CCDC158: variants seen among roughly 807,000 people sequenced by gnomAD.
CCDC158 encodes the protein coiled-coil domain-containing protein 158.
CCDC158 carries 116 observed loss-of-function variants against 138.6 expected under a neutral mutation model. That is an observed-to-expected ratio of 0.84 (90% CI 0.72 to 0.98). The LOEUF (loss-of-function observed/expected upper bound fraction) is 0.98, where lower values mean the gene tolerates loss of function less well. Among genes scored for constraint, CCDC158 ranks in the 50% least tolerant of loss-of-function variants. The pLI, the probability that CCDC158 is intolerant of heterozygous loss-of-function variation, is 0.00. For missense variants in CCDC158, 1,265 were observed against 1,306.1 expected (o/e 0.97, Z 0.48); for synonymous variants, 436 against 442.4 (o/e 0.99, Z 0.18).
intron 24 of CCDC158, among the ~76,000 whole-genome samples, chr4:76,317,317 G>A (rs1489713391): frequency 6.6e-6 from 1 of 151,940 alleles, no homozygotes; most frequent in Non-Finnish European, 1.5e-5. Flanking sequence ...TACCACAAAC[G>A]AACAGGGGTA....
At chr4:76,373,036 A>G (rs1206692581) in intron 9 of CCDC158, among the ~76,000 whole-genome samples, 2 of 152,190 alleles carry the variant, frequency 1.3e-5, no homozygotes, top group South Asian at 2.1e-4. Context: ...TTTAGTAGAG[A>G]TGGGGTTTCG....
At chr4:76,326,663 T>C (rs1720559366) in intron 22 of CCDC158, among the ~76,000 whole-genome samples, 1 of 152,084 alleles carries the variant, frequency 6.6e-6, no homozygotes, top group South Asian at 2.1e-4. Context: ...CAGACTATAT[T>C]TAAATAAGCA....
intron 2 of CCDC158, among the ~76,000 whole-genome samples, chr4:76,405,508 G>A (rs1441960058): frequency 6.6e-6 from 1 of 152,070 alleles, no homozygotes; most frequent in East Asian, 1.9e-4. Flanking sequence ...AAAGGATAAA[G>A]ACAAACATTT....
Position 76,357,378 on chromosome 4 carries a change from A to T in CCDC158, c.2169T>A (p.Gly723=). ...TTTAAATCTAACAGAGCATACCATGACCATCAGATCCTTCCATTGACTTTA... is the reference window on the plus strand; with the variant it reads ...TTTAAATCTAACAGAGCATACCATGTCCATCAGATCCTTCCATTGACTTTA... ...NTLKSMEGSD[G]HAMKVAMGMQ... is the part of the protein sequence containing the mutation. Residue 723 remains glycine, a synonymous_variant, in exon 14 of 25, where the codon GGT becomes GGA. Coordinates refer to ENST00000682701, the MANE Select transcript of CCDC158 (RefSeq NM_001394954.1). The T allele has an allele frequency of 6.5e-7, 1 of 1,535,638 alleles. No homozygotes were observed. Among genetic ancestry groups the T allele is most frequent in the Non-Finnish European group, 8.7e-7 (1 of 1,146,210 alleles).
chr4:76,421,323 C>T (rs1730112585), upstream of CCDC158, among the ~76,000 whole-genome samples: 1 of 152,080 alleles, frequency 6.6e-6, no homozygotes, highest in Non-Finnish European at 1.5e-5. Context: ...CGCCGGACGC[C>T]GTCGCTGGGG....
chr4:76,327,565 C>T (rs897576405), intron 22 of CCDC158, among the ~76,000 whole-genome samples: 8 of 151,994 alleles, frequency 5.3e-5, no homozygotes, highest in African/African-American at 1.9e-4. Flanking sequence ...CTAAATATGT[C>T]CAAATATAGA....
chr4:76,349,695 A>C lies in CCDC158; in HGVS notation c.2664+1301T>G, dbSNP rs528339486. 1.6e-4 allele frequency among the ~76,000 whole-genome samples: 25 copies of C among 152,284 alleles called. 1 individual carries two copies. The South Asian group carries it at 5.2e-3, about 32-fold the overall frequency. ...GAAAAAATAAATAAATAAACAAATAAATACTTAAGTTAAAATTTAAAGTTA... is the reference window on the plus strand; with the variant it reads ...GAAAAAATAAATAAATAAACAAATACATACTTAAGTTAAAATTTAAAGTTA... On this transcript the variant is annotated intron_variant, in intron 18 of 24. Transcript: ENST00000682701.
At chr4:76,367,941 T>C (rs1458324713) in intron 11 of CCDC158, among the ~76,000 whole-genome samples, 165 bp from the exon 12 acceptor site, 1 of 151,768 alleles carries the variant, frequency 6.6e-6, no homozygotes, top group East Asian at 1.9e-4. Context: ...GTTCCCTAGG[T>C]TGGTCTTCTC....
chr4:76,351,790 C>G lies in CCDC158; in HGVS notation c.2468G>C (p.Cys823Ser), dbSNP rs909965143. Reference protein sequence around the residue: ...LDKASLQFAECQDIIQRQEQE... With the variant: ...LDKASLQFAESQDIIQRQEQE... ...CTCCTGACGCTGTATTATATCTTGA[C>G]ATTCTGCAAACTGCAAAGATGCCTA... Residue 823 changes from cysteine to serine, a missense_variant, in exon 17 of 25, where the codon TGT (cysteine) becomes TCT (serine). Cys to Ser is a moderately radical substitution (Grantham distance 112). Transcript: ENST00000682701. 7.4e-6 allele frequency: 12 copies of G among 1,612,346 alleles called. No homozygotes were observed. Among genetic ancestry groups the G allele is most frequent in the Non-Finnish European group, 1.0e-5 (12 of 1,178,638 alleles).
At chr4:76,383,362 G>A (rs1726458892) in intron 7 of CCDC158, among the ~76,000 whole-genome samples, 1 of 151,910 alleles carries the variant, frequency 6.6e-6, no homozygotes, top group Non-Finnish European at 1.5e-5. Flanking sequence ...TCCATCCACA[G>A]ACCCCCTCAC....
intron 14 of CCDC158, among the ~76,000 whole-genome samples, chr4:76,357,155 T>C (rs188062782): frequency 1.3e-5 from 2 of 152,284 alleles, no homozygotes; most frequent in African/African-American, 4.8e-5. Context: ...AAAGGAAAGA[T>C]TCAGATAGTT....
At chr4:76,421,512 C>T (rs1367828098), upstream of CCDC158, among the ~76,000 whole-genome samples, 1 of 152,106 alleles carries the variant, frequency 6.6e-6, no homozygotes, top group East Asian at 1.9e-4. Flanking sequence ...TACTCTTGCC[C>T]CCACCCGAGC....
intron 11 of CCDC158, among the ~76,000 whole-genome samples, chr4:76,368,618 G>C (rs1724919722): frequency 6.6e-6 from 1 of 152,176 alleles, no homozygotes; most frequent in African/African-American, 2.4e-5. Flanking sequence ...TAAGAAGGCA[G>C]TCCACGTTTT....
intron 18 of CCDC158, among the ~76,000 whole-genome samples, chr4:76,335,343 G>A (rs571414863): frequency 4.4e-4 from 67 of 152,002 alleles, no homozygotes; most frequent in Non-Finnish European, 8.2e-4. Context: ...TTATCCTATG[G>A]CAATATTCAC....
rs138548683 is a variant in CCDC158, at chr4:76,328,949, G to A, written c.2961C>T (p.His987=). 831 of 1,613,574 alleles carry A rather than the reference G, an allele frequency of 5.2e-4. 2 individuals carry two copies. The East Asian group carries it at 0.015, about 30-fold the overall frequency. ...ETLSREPVTL[H]AGDREDPSGC... Reference sequence around the variant, plus strand: ...CAGAGGGATCTTCCCTGTCTCCTGCGTGTAATGTGACTGGCTCTCTGGAAG... The same window carrying A: ...CAGAGGGATCTTCCCTGTCTCCTGCATGTAATGTGACTGGCTCTCTGGAAG... Residue 987 remains histidine, a synonymous_variant, in exon 22 of 25, where the codon CAC becomes CAT. Transcript: ENST00000682701.
chr4:76,348,268 CAAAAAAA>C (rs11453657), intron 18 of CCDC158, among the ~76,000 whole-genome samples: 1 of 125,958 alleles, frequency 7.9e-6, no homozygotes, highest in African/African-American at 3.0e-5. Context: ...ACTAAATATA[CAAAAAAA>C]AAAAAAAAAA....
intron 12 of CCDC158, 71 bp from the exon 13 acceptor site, chr4:76,362,386 T>G (rs934001043): frequency 3.5e-5 from 39 of 1,121,464 alleles, no homozygotes; most frequent in Non-Finnish European, 4.7e-5. Context: ...AATTGATAGC[T>G]GCTAACACAG....
At chr4:76,390,639 A>G (rs1727226708) in intron 4 of CCDC158, among the ~76,000 whole-genome samples, 1 of 152,098 alleles carries the variant, frequency 6.6e-6, no homozygotes, top group South Asian at 2.1e-4. Flanking sequence ...CATCAATAAC[A>G]ACATTGAACA....
chr4:76,418,203 C>A (rs1729850192), intron 1 of CCDC158, among the ~76,000 whole-genome samples: 1 of 152,098 alleles, frequency 6.6e-6, no homozygotes, highest in African/African-American at 2.4e-5. Context: ...TTGGAGCAGT[C>A]CAACAAAGGG....
Sources: allele counts gnomAD v4.1 joint callset (sites outside exome capture counted in the v4.1 genomes callset), GRCh38; gene constraint gnomAD v4.1.1; transcripts MANE v1.5; gene names NCBI Gene and HGNC (gene_info 2026-07-23, HGNC 2026-07-21).